RPSA2: variants seen among roughly 807,000 people sequenced by gnomAD.
RPSA2 encodes the protein ribosomal protein SA 2.
At chr19:23,784,510 G>A in the RPSA2 span, among the ~76,000 whole-genome samples, 1 of 152,248 alleles carries the variant, frequency 6.6e-6, no homozygotes, top group Admixed American at 6.5e-5. Context: ...CAATTAGAGA[G>A]ATGTTGACTC....
At chr19:23,786,949 T>G in the RPSA2 span, among the ~76,000 whole-genome samples, 1 of 151,926 alleles carries the variant, frequency 6.6e-6, no homozygotes, top group South Asian at 2.1e-4. Flanking sequence ...CTGTGGCATA[T>G]TGCTGTGGTC....
At chr19:23,854,809 AAT>A in the RPSA2 span, among the ~76,000 whole-genome samples, 1 of 152,190 alleles carries the variant, frequency 6.6e-6, no homozygotes, top group Admixed American at 6.5e-5. Flanking sequence ...ATGCCCACAG[AAT>A]AGCTTTGTGG....
the RPSA2 span, among the ~76,000 whole-genome samples, chr19:23,849,822 TC>T: frequency 6.6e-6 from 1 of 152,148 alleles, no homozygotes; most frequent in Non-Finnish European, 1.5e-5. Context: ...AACACAATCT[TC>T]CCAAATTAAA....
chr19:23,803,552 TC>T, the RPSA2 span, among the ~76,000 whole-genome samples: 2 of 152,080 alleles, frequency 1.3e-5, no homozygotes, highest in Non-Finnish European at 2.9e-5. Context: ...TCTATCTGTA[TC>T]CCTCTCATCT....
At chr19:23,799,338 A>C in the RPSA2 span, 2 of 152,230 alleles carry the variant, frequency 1.3e-5, no homozygotes, top group African/African-American at 4.8e-5. Flanking sequence ...TCTTGGAGCT[A>C]TCTCTATCTG....
the RPSA2 span, among the ~76,000 whole-genome samples, chr19:23,862,907 T>TG: frequency 6.0e-5 from 9 of 150,610 alleles, no homozygotes; most frequent in Non-Finnish European, 8.9e-5. Context: ...TTTTTTTTTT[T>TG]TTTGTTTGTT....
chr19:23,861,350 G>A, the RPSA2 span, among the ~76,000 whole-genome samples: 4 of 152,156 alleles, frequency 2.6e-5, no homozygotes, highest in Non-Finnish European at 5.9e-5. Context: ...CTTTCAGTGA[G>A]ATTAAAGTGG....
the RPSA2 span, among the ~76,000 whole-genome samples, chr19:23,830,151 C>CT: frequency 1.3e-5 from 2 of 150,430 alleles, no homozygotes; most frequent in South Asian, 2.1e-4. Context: ...TAACATAGTT[C>CT]TTTTTTTGAG....
chr19:23,832,649 G>C, the RPSA2 span: 2 of 1,465,144 alleles, frequency 1.4e-6, no homozygotes, highest in East Asian at 5.8e-5. Flanking sequence ...TGTGAAGAAG[G>C]TGGCAAAGCA....
chr19:23,823,145 G>A, the RPSA2 span, among the ~76,000 whole-genome samples: 1 of 152,170 alleles, frequency 6.6e-6, no homozygotes. Flanking sequence ...TTCACAGAGA[G>A]TTCTCAGCCT....
the RPSA2 span, among the ~76,000 whole-genome samples, chr19:23,785,085 G>A: frequency 1.3e-5 from 2 of 152,212 alleles, no homozygotes; most frequent in Non-Finnish European, 2.9e-5. Flanking sequence ...CCAGCCCACA[G>A]ATGAGATTGT....
At chr19:23,767,324 C>T in the RPSA2 span, among the ~76,000 whole-genome samples, 1 of 152,134 alleles carries the variant, frequency 6.6e-6, no homozygotes, top group African/African-American at 2.4e-5. Context: ...GGTGGTCCAT[C>T]TGCCTGGGGC....
the RPSA2 span, among the ~76,000 whole-genome samples, chr19:23,830,589 A>G: frequency 9.9e-6 from 1 of 100,972 alleles, no homozygotes; most frequent in South Asian, 3.2e-4. Context: ...ATTTTCTTTT[A>G]GGATCTATTA....
At chr19:23,810,646 T>C in the RPSA2 span, among the ~76,000 whole-genome samples, 6 of 152,154 alleles carry the variant, frequency 3.9e-5, no homozygotes, top group Admixed American at 3.3e-4. Flanking sequence ...GAACCGGCCA[T>C]GAACTGTGGC....
At chr19:23,759,693 T>A in the RPSA2 span, among the ~76,000 whole-genome samples, 706 of 151,750 alleles carry the variant, frequency 4.7e-3, 1 homozygote, top group Non-Finnish European at 6.6e-3. Flanking sequence ...CCGGCTAATT[T>A]TTGCATTTTT....
chr19:23,864,895 C>T, the RPSA2 span, among the ~76,000 whole-genome samples: 2 of 152,146 alleles, frequency 1.3e-5, no homozygotes, highest in African/African-American at 4.8e-5. Flanking sequence ...CCCTCTTCTC[C>T]CTGTCTCCTT....
the RPSA2 span, among the ~76,000 whole-genome samples, chr19:23,794,378 T>G: frequency 6.6e-6 from 1 of 152,224 alleles, no homozygotes; most frequent in African/African-American, 2.4e-5. Context: ...TTTAACTTTT[T>G]AATAGCCCTT....
the RPSA2 span, among the ~76,000 whole-genome samples, chr19:23,864,092 G>A: frequency 6.6e-6 from 1 of 152,120 alleles, no homozygotes. Context: ...TCATTCCAAG[G>A]CAGAGCATCC....
At chr19:23,767,882 T>C in the RPSA2 span, among the ~76,000 whole-genome samples, 1 of 146,840 alleles carries the variant, frequency 6.8e-6, no homozygotes, top group Non-Finnish European at 1.5e-5. Context: ...TTCTCCTGCC[T>C]CAGCCTCCTG....
Sources: gnomAD v4.1 joint callset for allele counts (sites outside exome capture counted in the v4.1 genomes callset) on GRCh38, gnomAD v4.1.1 for gene constraint, MANE v1.5 for transcripts, NCBI Gene and HGNC (gene_info 2026-07-23, HGNC 2026-07-21) for gene names.